Variants in PLEKHA6 observed in about 807,000 individuals in gnomAD.
PLEKHA6 encodes the protein pleckstrin homology domain containing A6.
In PLEKHA6, 60 loss-of-function variants were observed where a neutral mutation model predicts 116.7. That is an observed-to-expected ratio of 0.51 (90% CI 0.42 to 0.64). The LOEUF is 0.64. PLEKHA6 is among the 30% of genes least tolerant of loss of function. The pLI, the probability that PLEKHA6 is intolerant of heterozygous loss-of-function variation, is 0.00. For missense variants in PLEKHA6, 1,338 were observed against 1,422.7 expected (o/e 0.94, Z 0.96); for synonymous variants, 489 against 556.1 (o/e 0.88, Z 1.70).
At chr1:204,245,764 T>C in intron 13 of PLEKHA6, 38 bp from the exon 14 acceptor site, 1 of 1,430,612 alleles carries the variant, frequency 7.0e-7, no homozygotes, top group Non-Finnish European at 9.8e-7. Flanking sequence ...GAAATGGCCA[T>C]GAGGAGTGTC....
chr1:204,365,709 C>T (rs1034162146), intron 3 of PLEKHA6, among the ~76,000 whole-genome samples: 5 of 152,224 alleles, frequency 3.3e-5, no homozygotes, highest in African/African-American at 1.2e-4. Flanking sequence ...GGATTGCTAT[C>T]ATGCACCAGA....
intron 18 of PLEKHA6, 51 bp downstream of exon 18, chr1:204,230,362 A>G: frequency 7.1e-7 from 1 of 1,411,240 alleles, no homozygotes; most frequent in Non-Finnish European, 9.5e-7. Context: ...GGGAGTGGGC[A>G]GTGTTGGCAG....
Position 204,249,029 on chromosome 1 carries a change from C to G in PLEKHA6, c.1675-59G>C, listed in dbSNP as rs911880361. On this transcript the variant is annotated intron_variant, in intron 11 of 22. Coordinates refer to ENST00000272203, the MANE Select transcript of PLEKHA6 (RefSeq NM_014935.5). The stretch of plus-strand genomic sequence containing the variant: ...CTGACAGCTCCTCTCTGGGATTGAA[C>G]AGCAGAGGCCTGAGCCCTTAGAGGT... 2.5e-6 allele frequency: 4 copies of G among 1,579,342 alleles called. No homozygotes were observed. In the African/African-American group the frequency reaches 4.0e-5, roughly 16 times the overall value.
At position 204,265,937 on chromosome 1, in the gene PLEKHA6, CG is replaced by C. The variant is rs1666757902; in HGVS notation, c.281-896del. Among the ~76,000 whole-genome samples the C allele has an allele frequency of 2.6e-5, 4 of 152,092 alleles. 1 individual carries two copies. The South Asian group carries it at 8.3e-4, about 32-fold the overall frequency. Reference sequence around the variant, plus strand: ...GCTGGAAGCAGGAAGCAAGAAAGGGCGGGGAGTGCTCTGTGGGACAGTGGGG... The same window carrying C: ...GCTGGAAGCAGGAAGCAAGAAAGGGCGGGAGTGCTCTGTGGGACAGTGGGG... On this transcript the variant is annotated intron_variant, in intron 5 of 22. Transcript: ENST00000272203.
chr1:204,371,197 C>T (rs780154885), intron 2 of PLEKHA6, among the ~76,000 whole-genome samples: 2 of 152,098 alleles, frequency 1.3e-5, no homozygotes, highest in Non-Finnish European at 2.9e-5. Flanking sequence ...AGTTCTAGAG[C>T]GCAGCACTGG....
intron 1 of PLEKHA6, among the ~76,000 whole-genome samples, chr1:204,295,988 C>T (rs1031384185): frequency 3.9e-5 from 6 of 152,092 alleles, no homozygotes; most frequent in East Asian, 1.9e-4. Context: ...ACAGAAGCTA[C>T]GGGGTGCACG....
chr1:204,275,771 A>G (rs1371089886), intron 1 of PLEKHA6: 2 of 940,848 alleles, frequency 2.1e-6, no homozygotes, highest in Admixed American at 1.2e-4. Flanking sequence ...CTTGGCAAGA[A>G]TGTAGCAGTG....
chr1:204,331,774 G>C (rs1005555485), intron 1 of PLEKHA6, among the ~76,000 whole-genome samples: 3 of 152,162 alleles, frequency 2.0e-5, no homozygotes, highest in Non-Finnish European at 4.4e-5. Flanking sequence ...CAGTGTTAGA[G>C]AGGCCCCTGG....
intron 6 of PLEKHA6, among the ~76,000 whole-genome samples, chr1:204,263,304 C>A (rs1252887908): frequency 6.6e-6 from 1 of 152,216 alleles, no homozygotes; most frequent in East Asian, 1.9e-4. Context: ...CGGGGCAAAG[C>A]CCCCGGAGCC....
chr1:204,265,702 T>C (rs1666713588), intron 5 of PLEKHA6, among the ~76,000 whole-genome samples: 1 of 152,218 alleles, frequency 6.6e-6, no homozygotes, highest in African/African-American at 2.4e-5. Context: ...TGGGTAACTC[T>C]TTCTAAGGTT....
intron 21 of PLEKHA6, among the ~76,000 whole-genome samples, chr1:204,226,754 G>T (rs757939537): frequency 1.3e-5 from 2 of 152,106 alleles, no homozygotes; most frequent in Admixed American, 6.5e-5. Flanking sequence ...CTTCATTAAG[G>T]CTTACTTAAA....
At chr1:204,282,507 C>A in intron 1 of PLEKHA6, 2 of 372,748 alleles carry the variant, frequency 5.4e-6, no homozygotes. Context: ...GAGACCTCCT[C>A]ACATCTCCAT....
At chr1:204,308,687 CTTTTTT>C (rs60251937) in intron 1 of PLEKHA6, among the ~76,000 whole-genome samples, 6 of 81,404 alleles carry the variant, frequency 7.4e-5, no homozygotes, top group Non-Finnish European at 1.1e-4. Flanking sequence ...TTTTCTTTTT[CTTTTTT>C]TTTTTTTTTT....
Position 204,264,939 on chromosome 1 carries a change from G to C in PLEKHA6, c.381+3C>G, listed in dbSNP as rs373710710. 117 of 1,609,040 alleles carry C rather than the reference G, an allele frequency of 7.3e-5. No homozygotes were observed. Among genetic ancestry groups the C allele is most frequent in the Non-Finnish European group, 9.4e-5 (111 of 1,175,430 alleles). On this transcript the variant is annotated splice_donor_region_variant and intron_variant, in intron 6 of 22. Transcript: ENST00000272203. ...CTGCCCTGGGAAGGGAAGGCCAACTGACCTTAAACGTGTGTTTCCGGCTGA... is the reference window on the plus strand; with the variant it reads ...CTGCCCTGGGAAGGGAAGGCCAACTCACCTTAAACGTGTGTTTCCGGCTGA...
chr1:204,331,819 T>TC (rs988388329), intron 1 of PLEKHA6, among the ~76,000 whole-genome samples: 10 of 150,712 alleles, frequency 6.6e-5, no homozygotes, highest in Admixed American at 2.0e-4. Context: ...CAGCCGGCTG[T>TC]CCCCCCCGGG....
chr1:204,298,663 TG>T (rs770078138), intron 1 of PLEKHA6, among the ~76,000 whole-genome samples: 9 of 152,298 alleles, frequency 5.9e-5, no homozygotes, highest in East Asian at 3.9e-4. Context: ...GAAGGGCTAA[TG>T]TGCAACAGAA....
chr1:204,268,652 T>C (rs1308231967), intron 3 of PLEKHA6, among the ~76,000 whole-genome samples: 1 of 149,470 alleles, frequency 6.7e-6, no homozygotes, highest in Non-Finnish European at 1.5e-5. Context: ...CCCAACCTCC[T>C]ACTCCCTCTC....
At chr1:204,302,016 T>A (rs1315011346) in intron 1 of PLEKHA6, among the ~76,000 whole-genome samples, 1 of 152,186 alleles carries the variant, frequency 6.6e-6, no homozygotes, top group Admixed American at 6.5e-5. Context: ...GGCATACGAC[T>A]GTTGGGCAGT....
intron 1 of PLEKHA6, among the ~76,000 whole-genome samples, chr1:204,306,843 A>T (rs1222080704): frequency 1.3e-5 from 2 of 152,146 alleles, no homozygotes; most frequent in East Asian, 1.9e-4. Context: ...ATCTAAAATT[A>T]AAAAAACAAG....
Sources: allele counts gnomAD v4.1 joint callset (sites outside exome capture counted in the v4.1 genomes callset), GRCh38; gene constraint gnomAD v4.1.1; transcripts MANE v1.5; gene names NCBI Gene and HGNC (gene_info 2026-07-23, HGNC 2026-07-21).